ELN: variants seen among roughly 807,000 people sequenced by gnomAD.
ELN encodes elastin.
A neutral mutation model predicts 105.8 loss-of-function variants in ELN; 65 were observed. The ratio of observed to expected loss-of-function variants is 0.61; its 90% CI spans 0.50 to 0.75. ELN has a LOEUF of 0.75. ELN is among the 30% of genes least tolerant of loss of function. ELN has a pLI of 0.00. For missense variants in ELN, 882 were observed against 969.4 expected (o/e 0.91, Z 1.20); for synonymous variants, 368 against 389.2 (o/e 0.95, Z 0.64).
At chr7:74,049,911 ATACATCAATC>A (rs1554674978) in intron 15 of ELN, among the ~76,000 whole-genome samples, 33 of 1,186 alleles carry the variant, frequency 0.028, no homozygotes, top group Middle Eastern at 0.17. Context: ...CCATCCATCC[ATACATCAATC>A]CATACATCAA....
At chr7:74,059,824 C>T (rs782704293) in intron 22 of ELN, 62 bp from the exon 23 acceptor site, 2 of 870,738 alleles carry the variant, frequency 2.3e-6, no homozygotes, top group Non-Finnish European at 2.0e-6. Context: ...GCCCTCTTTC[C>T]ATAAGCTTCT....
chr7:74,058,175 T>A (rs2132173488), intron 22 of ELN, among the ~76,000 whole-genome samples: 1 of 150,544 alleles, frequency 6.6e-6, no homozygotes, highest in Admixed American at 6.6e-5. Flanking sequence ...TTCTCCTCCC[T>A]CTTCCTCCTC....
chr7:74,033,115 T>C (rs1789069320), intron 1 of ELN, among the ~76,000 whole-genome samples: 2 of 152,242 alleles, frequency 1.3e-5, no homozygotes, highest in Middle Eastern at 3.2e-3. Flanking sequence ...AGTGATTATC[T>C]GCCCCATGTC....
At chr7:74,056,816 C>T in intron 21 of ELN, 103 bp downstream of exon 21, 1 of 1,514,548 alleles carries the variant, frequency 6.6e-7, no homozygotes, top group Non-Finnish European at 9.1e-7. Context: ...ACTGAAATGG[C>T]CTGGACCAAG....
chr7:74,041,143 A>G, intron 4 of ELN, 73 bp from the exon 5 acceptor site: 1 of 1,604,946 alleles, frequency 6.2e-7, no homozygotes, highest in Non-Finnish European at 8.5e-7. Flanking sequence ...GCACTGCCCT[A>G]ACTCCAGGAG....
rs181870786 is a variant in ELN, at chr7:74,036,411, G to A, written c.134-144G>A. On this transcript the variant is annotated intron_variant, in intron 2 of 32. Transcript: ENST00000252034. ...ACACTGGACTACTGGCCAAGCAGAA[G>A]AGAAAACCGAGGCTTGCAGAGAGCA... 44 of 1,058,440 alleles carry A rather than the reference G, an allele frequency of 4.2e-5. No homozygotes were observed. The Admixed American group carries it at 8.0e-4, about 19-fold the overall frequency. The allele number at this position is 1,058,440 out of a possible 1,614,324, so 65.6% of individuals were successfully genotyped here.
Position 74,069,211 on chromosome 7 carries a change from T to A in ELN, c.*511T>A. On this transcript the variant is annotated 3_prime_UTR_variant, in exon 33 of 33. Coordinates refer to ENST00000252034, the MANE Select transcript of ELN (RefSeq NM_000501.4). ...AAAGCTGGATTCGCTCTAGCATCCC[T>A]CCTCTCCTGGGTCCACTTGGCCGTC... is the stretch of plus-strand genomic sequence containing the variant. The A allele has an allele frequency of 2.0e-5, 5 of 252,130 alleles. No homozygotes were observed. Among genetic ancestry groups the A allele is most frequent in the Non-Finnish European group, 3.1e-5 (4 of 128,552 alleles). The allele number at this position is 252,130 out of a possible 1,614,324, so 15.6% of individuals were successfully genotyped here.
chr7:74,067,253 T>C (rs1798153562), intron 32 of ELN, among the ~76,000 whole-genome samples: 1 of 150,266 alleles, frequency 6.7e-6, no homozygotes, highest in Admixed American at 6.6e-5. Context: ...ACCCCGTCTC[T>C]ACTAAAAATA....
chr7:74,047,987 A>C (rs1009879), intron 13 of ELN, among the ~76,000 whole-genome samples, 155 bp from the exon 14 acceptor site: 1 of 152,128 alleles, frequency 6.6e-6, no homozygotes, highest in African/African-American at 2.4e-5. Flanking sequence ...TGGACATAAC[A>C]ACTCCATACA....
intron 9 of ELN, 110 bp from the exon 10 acceptor site, chr7:74,045,112 C>G: frequency 8.0e-7 from 1 of 1,248,282 alleles, no homozygotes; most frequent in Non-Finnish European, 1.2e-6. Flanking sequence ...GTGCCTGTCA[C>G]TGACAGTCAG....
intron 22 of ELN, among the ~76,000 whole-genome samples, chr7:74,058,916 A>G (rs1795977750): frequency 6.6e-6 from 1 of 152,104 alleles, no homozygotes; most frequent in Non-Finnish European, 1.5e-5. Context: ...TCTCACACAC[A>G]GCAATCTTTA....
chr7:74,031,860 AGAAGGAAGGAAGGAAG>A (rs60029188), intron 1 of ELN, among the ~76,000 whole-genome samples: 35 of 107,218 alleles, frequency 3.3e-4, no homozygotes, highest in East Asian at 2.7e-3. Flanking sequence ...AAGGAAGGAA[AGAAGGAAGGAAGGAAG>A]GAAGGAAGGA....
chr7:74,043,289 G>A (rs546548216), intron 8 of ELN, 121 bp downstream of exon 8: 90 of 1,437,224 alleles, frequency 6.3e-5, no homozygotes, highest in South Asian at 7.3e-5. Flanking sequence ...GGCTTCAGTC[G>A]GGCAGAGAAA....
Position 74,046,865 on chromosome 7 carries a change from C to T in ELN, c.643+98C>T, listed in dbSNP as rs560818849. 1.4e-5 allele frequency: 19 copies of T among 1,384,770 alleles called. 1 individual carries two copies. The highest frequency in any genetic ancestry group is 1.3e-4 in the African/African-American group (9 of 70,774). The allele number at this position is 1,384,770 out of a possible 1,614,324, so 85.8% of individuals were successfully genotyped here. On this transcript the variant is annotated intron_variant, in intron 12 of 32. Coordinates refer to ENST00000252034, the MANE Select transcript of ELN (RefSeq NM_000501.4). ...TTGGGAGGCTAAGGCGGGCAGATCA[C>T]TTGAGGTCAGGAGTTCAAGACTAGC...
At chr7:74,034,302 C>G (rs782295555) in intron 1 of ELN, among the ~76,000 whole-genome samples, 18 of 152,140 alleles carry the variant, frequency 1.2e-4, no homozygotes, top group Admixed American at 2.6e-4. Flanking sequence ...CTCTACCCGG[C>G]AGCTCAGCTC....
At chr7:74,056,547 G>C in intron 20 of ELN, 112 bp downstream of exon 20, 1 of 1,601,384 alleles carries the variant, frequency 6.2e-7, no homozygotes, top group Non-Finnish European at 8.5e-7. Context: ...TGTGCTCAGG[G>C]AGGAGTTGGG....
chr7:74,052,292 CTG>C (rs1390243268), intron 17 of ELN: 37 of 463,800 alleles, frequency 8.0e-5, no homozygotes, highest in Admixed American at 3.4e-5. Flanking sequence ...AGAATTCTGA[CTG>C]TGCTTTAGGA....
chr7:74,057,177 G>T (rs1422841526), intron 21 of ELN, among the ~76,000 whole-genome samples: 7 of 152,086 alleles, frequency 4.6e-5, no homozygotes, highest in Non-Finnish European at 7.4e-5. Flanking sequence ...GGTAGAGGCT[G>T]CAGTGAGCAG....
rs1796683278 is a variant in ELN, at chr7:74,061,639, G to C, written c.1786+500G>C. ...TGCACTCCGGCCTGGACGACAGAGC[G>C]AGACTGTATCTCAAAAAAAGAAAAG... is the stretch of plus-strand genomic sequence containing the variant. On this transcript the variant is annotated intron_variant, in intron 26 of 32. Transcript: ENST00000252034. Among the ~76,000 whole-genome samples, 5 of 152,212 alleles carry C rather than the reference G, an allele frequency of 3.3e-5. No homozygotes were observed. In the South Asian group the frequency reaches 1.0e-3, roughly 32 times the overall value.
Sources: gnomAD v4.1 joint callset for allele counts (sites outside exome capture counted in the v4.1 genomes callset) on GRCh38, gnomAD v4.1.1 for gene constraint, MANE v1.5 for transcripts, NCBI Gene and HGNC (gene_info 2026-07-23, HGNC 2026-07-21) for gene names.